Variants in HHAT observed in about 807,000 individuals in gnomAD.
HHAT encodes the protein protein-cysteine N-palmitoyltransferase HHAT.
In HHAT, 47 loss-of-function variants were observed where a neutral mutation model predicts 70.8. The observed-to-expected ratio is 0.66, with a 90% CI of 0.53 to 0.85. HHAT has a LOEUF of 0.85. Among genes scored for constraint, HHAT ranks in the 40% least tolerant of loss-of-function variants. The pLI, the probability that HHAT is intolerant of heterozygous loss-of-function variation, is 0.00. For missense variants in HHAT, 609 were observed against 604.8 expected (o/e 1.01, Z -0.07); for synonymous variants, 228 against 247.6 (o/e 0.92, Z 0.74).
At chr1:210,539,918 A>G (rs1312473432) in intron 9 of HHAT, among the ~76,000 whole-genome samples, 1 of 152,252 alleles carries the variant, frequency 6.6e-6, no homozygotes, top group East Asian at 1.9e-4. Flanking sequence ...TCAGATCATC[A>G]AGGGCTTATG....
At chr1:210,574,442 G>A (rs766126029) in intron 9 of HHAT, among the ~76,000 whole-genome samples, 28 of 152,210 alleles carry the variant, frequency 1.8e-4, no homozygotes, top group Non-Finnish European at 3.1e-4. Flanking sequence ...CAAACTGATG[G>A]GTTTAATTTA....
chr1:210,529,834 T>A (rs2095295149), intron 9 of HHAT, among the ~76,000 whole-genome samples: 1 of 152,170 alleles, frequency 6.6e-6, no homozygotes. Context: ...CAGGGAGCAA[T>A]GGTCTCCCAG....
chr1:210,471,543 T>A (rs1393879672), intron 8 of HHAT, among the ~76,000 whole-genome samples: 4 of 151,990 alleles, frequency 2.6e-5, no homozygotes, highest in Admixed American at 1.3e-4. Context: ...AAAGGAGATA[T>A]CCTAATGCCT....
At chr1:210,368,092 C>T (rs558831581) in intron 3 of HHAT, among the ~76,000 whole-genome samples, 3 of 152,110 alleles carry the variant, frequency 2.0e-5, no homozygotes, top group East Asian at 1.9e-4. Flanking sequence ...ATTGCGTGCT[C>T]GATGAAGTAA....
At chr1:210,386,230 C>CTTTTTTTTTTTTTTTTTTTTTTTTTT (rs869305965) in intron 3 of HHAT, among the ~76,000 whole-genome samples, 4 of 69,924 alleles carry the variant, frequency 5.7e-5, no homozygotes, top group African/African-American at 1.9e-4. Context: ...TTCTTTTTTT[C>CTTTTTTTTTTTTTTTTTTTTTTTTTT]TTTTTTTTTT....
intron 11 of HHAT, among the ~76,000 whole-genome samples, chr1:210,636,874 T>C (rs546746701): frequency 6.6e-6 from 1 of 152,286 alleles, no homozygotes; most frequent in East Asian, 1.9e-4. Context: ...TAGGTGTGTC[T>C]GAGATATCCC....
intron 2 of HHAT, among the ~76,000 whole-genome samples, chr1:210,351,812 C>T (rs937830873): frequency 2.6e-5 from 4 of 152,140 alleles, no homozygotes; most frequent in African/African-American, 4.8e-5. Context: ...AGCTGTTGCA[C>T]GTGCAGCCTG....
chr1:210,380,804 G>A (rs2090576359), intron 3 of HHAT, among the ~76,000 whole-genome samples: 1 of 152,086 alleles, frequency 6.6e-6, no homozygotes, highest in Non-Finnish European at 1.5e-5. Flanking sequence ...TGAATGTGGT[G>A]CTGTGGGGTC....
intron 11 of HHAT, among the ~76,000 whole-genome samples, chr1:210,673,770 T>A (rs199710647): frequency 5.1e-5 from 1 of 19,656 alleles, no homozygotes; most frequent in African/African-American, 7.6e-4. Context: ...TTATTATTTA[T>A]TTATTTATTT....
chr1:210,664,170 C>G (rs1275529714), intron 11 of HHAT, among the ~76,000 whole-genome samples: 1 of 152,104 alleles, frequency 6.6e-6, no homozygotes, highest in African/African-American at 2.4e-5. Context: ...GATAACCAGC[C>G]CTCTGATGGG....
chr1:210,366,557 A>G (rs1337890937), intron 3 of HHAT, among the ~76,000 whole-genome samples: 1 of 152,214 alleles, frequency 6.6e-6, no homozygotes, highest in Non-Finnish European at 1.5e-5. Flanking sequence ...TGGAGGTTGT[A>G]GTGAGCAGAG....
At chr1:210,445,203 T>G (rs924553035) in intron 7 of HHAT, among the ~76,000 whole-genome samples, 3 of 152,220 alleles carry the variant, frequency 2.0e-5, no homozygotes, top group African/African-American at 7.2e-5. Flanking sequence ...GCGGAGAATA[T>G]AAAATAGAAT....
chr1:210,605,853 TG>T (rs1194473305), intron 10 of HHAT, among the ~76,000 whole-genome samples: 1 of 151,856 alleles, frequency 6.6e-6, no homozygotes, highest in African/African-American at 2.4e-5. Context: ...TCTTCATTTA[TG>T]TTTTTTTTTT....
chr1:210,465,572 G>A (rs2148443259), intron 8 of HHAT, among the ~76,000 whole-genome samples: 1 of 152,174 alleles, frequency 6.6e-6, no homozygotes, highest in African/African-American at 2.4e-5. Flanking sequence ...TCAAACTCTG[G>A]GCTAGATCCT....
rs562753994 is a variant in HHAT at position 210,465,126 on chromosome 1, C to T, written c.1007+471C>T. 7.2e-5 allele frequency among the ~76,000 whole-genome samples: 11 copies of T among 152,276 alleles called. No homozygotes were observed. In the East Asian group the frequency reaches 2.1e-3, roughly 29 times the overall value. ...AAACAGTAGTAAAGATAATCCCTGTCTCCAGGAGTTGTTTTGAAGATTAAA... is the reference window on the plus strand; with the variant it reads ...AAACAGTAGTAAAGATAATCCCTGTTTCCAGGAGTTGTTTTGAAGATTAAA... On this transcript the variant is annotated intron_variant, in intron 8 of 11. Transcript: ENST00000261458.
intron 11 of HHAT, among the ~76,000 whole-genome samples, chr1:210,670,244 CT>C (rs1679805692): frequency 6.6e-6 from 1 of 152,240 alleles, no homozygotes; most frequent in Admixed American, 6.5e-5. Flanking sequence ...CCCTGCCCCC[CT>C]GGGCCACATC....
chr1:210,478,799 A>G (rs1326354747), intron 8 of HHAT, among the ~76,000 whole-genome samples: 1 of 152,202 alleles, frequency 6.6e-6, no homozygotes, highest in African/African-American at 2.4e-5. Context: ...CAAAAGTGCC[A>G]TTTATCCAGT....
At chr1:210,639,726 G>A (rs1672623597) in intron 11 of HHAT, among the ~76,000 whole-genome samples, 1 of 152,182 alleles carries the variant, frequency 6.6e-6, no homozygotes, top group Non-Finnish European at 1.5e-5. Flanking sequence ...TTTCAAGGTT[G>A]ACCTGGTTCA....
intron 9 of HHAT, among the ~76,000 whole-genome samples, chr1:210,556,272 C>T (rs959873627): frequency 6.6e-5 from 10 of 152,082 alleles, no homozygotes; most frequent in African/African-American, 2.4e-4. Context: ...CCCTGATTTT[C>T]TTAAAGATTC....
Sources: gnomAD v4.1 joint callset for allele counts (sites outside exome capture counted in the v4.1 genomes callset) on GRCh38, gnomAD v4.1.1 for gene constraint, MANE v1.5 for transcripts, NCBI Gene and HGNC (gene_info 2026-07-23, HGNC 2026-07-21) for gene names.